Variants in BLM observed in about 807,000 individuals in gnomAD.
BLM encodes the protein BLM RecQ like helicase.
A neutral mutation model predicts 135.3 loss-of-function variants in BLM; 95 were observed. The ratio of observed to expected loss-of-function variants is 0.70; its 90% confidence interval spans 0.59 to 0.83. The LOEUF (loss-of-function observed/expected upper bound fraction) is 0.83, where lower values mean the gene tolerates loss of function less well. Among genes scored for constraint, BLM ranks in the 40% least tolerant of loss-of-function variants. BLM has a pLI of 0.00. For synonymous variants in BLM, 520 were observed against 589.2 expected, an observed-to-expected ratio of 0.88 and a Z score of 1.70; for missense variants, 1,518 against 1,663.9, an observed-to-expected ratio of 0.91 and a Z score of 1.53.
intron 14 of BLM, among the ~76,000 whole-genome samples, chr15:90,785,873 A>G (rs1339760178): frequency 2.0e-5 from 3 of 152,044 alleles, no homozygotes; most frequent in Non-Finnish European, 4.4e-5. Context: ...AGATTTATCC[A>G]TATTTTAGGA....
At chr15:90,774,532 T>C (rs1487058123) in intron 12 of BLM, among the ~76,000 whole-genome samples, 3 of 151,992 alleles carry the variant, frequency 2.0e-5, no homozygotes, top group African/African-American at 7.2e-5. Flanking sequence ...CTGAAGTTTC[T>C]GTTATAAAAG....
At chr15:90,785,995 T>C (rs71407333) in intron 14 of BLM, among the ~76,000 whole-genome samples, 1 of 146,110 alleles carries the variant, frequency 6.8e-6, no homozygotes, top group Non-Finnish European at 1.5e-5. Context: ...GTTTCGTTTC[T>C]TTCTTTTTTT....
At chr15:90,770,315 T>C (rs1896275856) in intron 12 of BLM, among the ~76,000 whole-genome samples, 3 of 151,956 alleles carry the variant, frequency 2.0e-5, no homozygotes. Flanking sequence ...GCTGGGACTG[T>C]AGGCGCCCGC....
chr15:90,798,909 G>A (rs927511710), intron 17 of BLM, among the ~76,000 whole-genome samples: 1 of 151,944 alleles, frequency 6.6e-6, no homozygotes, highest in Non-Finnish European at 1.5e-5. Flanking sequence ...CTAGAACCCG[G>A]GAAGTGAAGA....
intron 12 of BLM, among the ~76,000 whole-genome samples, chr15:90,770,377 T>C (rs1289957676): frequency 1.3e-5 from 2 of 152,046 alleles, no homozygotes; most frequent in Non-Finnish European, 2.9e-5. Flanking sequence ...GGGGTGTCAC[T>C]GTCTTAGCCA....
chr15:90,774,558 G>T (rs1896420044), intron 12 of BLM, among the ~76,000 whole-genome samples: 1 of 151,010 alleles, frequency 6.6e-6, no homozygotes, highest in Non-Finnish European at 1.5e-5. Context: ...GTCAGGCCAG[G>T]CTCGGTGGCT....
intron 19 of BLM, among the ~76,000 whole-genome samples, chr15:90,806,179 C>T (rs1435215731): frequency 6.6e-6 from 1 of 152,102 alleles, no homozygotes; most frequent in Non-Finnish European, 1.5e-5. Context: ...ATATAGTTGG[C>T]ATCTTAGATC....
At position 90,754,901 on chromosome 15, in the gene BLM, G is replaced by A. The variant is rs745469404; in HGVS notation, c.1050G>A (p.Met350Ile). 3 of 1,613,908 alleles carry A rather than the reference G, an allele frequency of 1.9e-6. No individual in the cohort carries two copies. The highest frequency in any genetic ancestry group is 1.3e-5 in the African/African-American group (1 of 75,000). Residue 350 changes from methionine (M) to isoleucine (I), a missense_variant, in exon 5 of 22, where the codon ATG becomes ATA. This residue lies in a region of BLM where 724 missense variants were observed against 756.9 expected (regional missense o/e 0.96). Transcript: ENST00000355112. ...TGTCAAAACCTGAGAAAATGAGTAT[G>A]CAGGAGCTGAATCCAGAAACCAGCA... ...DLLSKPEKMS[M>I]QELNPETSTD...
intron 15 of BLM, among the ~76,000 whole-genome samples, chr15:90,791,534 C>G (rs750908926): frequency 9.9e-5 from 15 of 151,878 alleles, no homozygotes; most frequent in African/African-American, 1.5e-4. Context: ...TAAACTAATC[C>G]CCTCTTACTA....
intron 4 of BLM, among the ~76,000 whole-genome samples, 185 bp from the exon 5 acceptor site, chr15:90,754,626 C>T (rs1213929190): frequency 6.6e-6 from 1 of 152,136 alleles, no homozygotes; most frequent in Admixed American, 6.5e-5. Context: ...TTGAAAAGGG[C>T]TCTTTCTGGA....
chr15:90,763,133 G>A lies in BLM; in HGVS notation c.2050G>A (p.Asp684Asn), dbSNP rs2151160786. The A allele has an allele frequency of 6.2e-7, 1 of 1,614,038 alleles. No homozygotes were observed. Among genetic ancestry groups the A allele is most frequent in the Non-Finnish European group, 8.5e-7 (1 of 1,179,974 alleles). The change falls in exon 8 of 22, where the codon GAC (aspartate) becomes AAC (asparagine). Residue 684 changes from aspartate (D) to asparagine (N), a missense_variant. Physicochemically the swap from Asp to Asn is conservative, Grantham distance 23. Transcript: ENST00000355112. The stretch of plus-strand genomic sequence containing the variant: ...GATCAATGCTGCACTGCTTGGTGAA[G>A]ACTGTTTTATCCTGATGCCGACTGG... ...EAINAALLGE[D>N]CFILMPTGGG...
intron 1 of BLM, among the ~76,000 whole-genome samples, chr15:90,728,574 T>A (rs550610346): frequency 1.3e-5 from 2 of 151,670 alleles, no homozygotes; most frequent in Non-Finnish European, 2.9e-5. Flanking sequence ...TTCAGCTAAT[T>A]TTTATATATT....
Position 90,794,159 on chromosome 15 carries a change from T to G in BLM, c.3020-8T>G. On this transcript the variant is annotated splice_polypyrimidine_tract_variant and splice_region_variant and intron_variant, in intron 15 of 21. Transcript: ENST00000355112. ...AGTATGTCTTACTATAGTCTTCATC[T>G]CTTTTAGTGGAAAAAGATGGAAACC... 1.3e-6 allele frequency: 2 copies of G among 1,587,938 alleles called. No individual in the cohort carries two copies. The highest frequency in any genetic ancestry group is 2.2e-5 in the South Asian group (2 of 89,008).
At chr15:90,719,427 C>A (rs1446760641) in intron 1 of BLM, among the ~76,000 whole-genome samples, 1 of 152,164 alleles carries the variant, frequency 6.6e-6, no homozygotes, top group Non-Finnish European at 1.5e-5. Context: ...CATGGCGAAA[C>A]TCCCTCTCTA....
chr15:90,766,101 C>T (rs28385034), intron 9 of BLM, among the ~76,000 whole-genome samples: 380 of 152,176 alleles, frequency 2.5e-3, no homozygotes, highest in Admixed American at 3.5e-3. Context: ...AGCGAGACCC[C>T]GACTCAATCA....
chr15:90,736,252 A>T (rs1011936862), intron 1 of BLM, among the ~76,000 whole-genome samples: 5 of 152,052 alleles, frequency 3.3e-5, no homozygotes, highest in African/African-American at 1.2e-4. Flanking sequence ...CCCTAAAGAT[A>T]CATTTTCTTT....
At chr15:90,799,458 G>A (rs1055525956) in intron 17 of BLM, among the ~76,000 whole-genome samples, 1 of 151,650 alleles carries the variant, frequency 6.6e-6, no homozygotes, top group African/African-American at 2.4e-5. Context: ...ATGGAAAATA[G>A]AGAAAGCATA....
At chr15:90,722,246 AC>A (rs1262559356) in intron 1 of BLM, among the ~76,000 whole-genome samples, 1 of 151,768 alleles carries the variant, frequency 6.6e-6, no homozygotes, top group Non-Finnish European at 1.5e-5. Context: ...AGTAGCTGGG[AC>A]TACAGGCACC....
Position 90,809,244 on chromosome 15 carries a change from G to A in BLM, c.3859G>A (p.Glu1287Lys). Reference protein sequence around the residue: ...EVISVLQKYSEWTSPAEDSSP... With the variant: ...EVISVLQKYSKWTSPAEDSSP... ...GATTTCAGTATTACAGAAATACTCTGAATGGACATCGCCAGGTTAGTACAC... is the reference window on the plus strand; with the variant it reads ...GATTTCAGTATTACAGAAATACTCTAAATGGACATCGCCAGGTTAGTACAC... Residue 1287 changes from glutamate (E) to lysine (K), a missense_variant, in exon 20 of 22, where the codon GAA (glutamate) becomes AAA (lysine). Transcript: ENST00000355112. 2 of 1,614,202 alleles carry A rather than the reference G, an allele frequency of 1.2e-6. No individual in the cohort carries two copies. The highest frequency in any genetic ancestry group is 1.7e-6 in the Non-Finnish European group (2 of 1,180,036).
Sources: allele counts gnomAD v4.1 joint callset (sites outside exome capture counted in the v4.1 genomes callset), GRCh38; gene constraint gnomAD v4.1.1; regional missense constraint gnomAD v4.1.1; transcripts MANE v1.5; gene names NCBI Gene and HGNC (gene_info 2026-07-23, HGNC 2026-07-21).